Variants in ARHGAP23 observed in about 807,000 individuals in gnomAD.
The protein encoded by ARHGAP23 is Rho GTPase activating protein 23, also known as rho GTPase-activating protein 23.
Under a neutral mutation model 136.3 loss-of-function variants are expected in ARHGAP23, and 34 were observed. The ratio of observed to expected loss-of-function variants is 0.25; its 90% CI spans 0.19 to 0.33. ARHGAP23 has a LOEUF of 0.33. Ranked by LOEUF, ARHGAP23 falls within the 10% of genes least tolerant of loss-of-function variation. The pLI is 1.00. For synonymous variants in ARHGAP23, 832 were observed against 920.5 expected, an observed-to-expected ratio of 0.90 and a Z score of 1.74; for missense variants, 1,808 against 2,139.0, an observed-to-expected ratio of 0.85 and a Z score of 3.05.
chr17:38,504,316 G>A (rs774707169), intron 23 of ARHGAP23, among the ~76,000 whole-genome samples: 1 of 152,238 alleles, frequency 6.6e-6, no homozygotes. Context: ...TGAGTTGTGT[G>A]TGCCGCAGTG....
intron 23 of ARHGAP23, among the ~76,000 whole-genome samples, chr17:38,503,797 A>T (rs1470190293): frequency 6.6e-6 from 1 of 152,232 alleles, no homozygotes; most frequent in Non-Finnish European, 1.5e-5. Flanking sequence ...CGTGCTTTTC[A>T]GAGAGTACGT....
Position 38,510,828 on chromosome 17 carries a change from C to T in ARHGAP23, c.4332C>T (p.Asp1444=). ...CGCGGGCGCACAGTGACAACAAGGA[C>T]TCCGGACTCAGCAGCCTGGAGTCCA... ...AGARAHSDNK[D]SGLSSLESTK... Residue 1444 remains aspartate (D), a synonymous_variant, in exon 24 of 24, where the codon GAC becomes GAT. Transcript: ENST00000622683. The surrounding 1 kb of genome is among the most constrained non-coding windows in gnomAD (Gnocchi z 4.6). 6.6e-7 allele frequency: 1 copy of T among 1,510,246 alleles called. No individual in the cohort carries two copies. Among genetic ancestry groups the T allele is most frequent in the Admixed American group, 2.1e-5 (1 of 47,314 alleles). The allele number at this position is 1,510,246 out of a possible 1,614,324, so 93.6% of individuals were successfully genotyped here.
At chr17:38,459,044 G>A (rs918973652) in intron 2 of ARHGAP23, among the ~76,000 whole-genome samples, 1 of 152,204 alleles carries the variant, frequency 6.6e-6, no homozygotes, top group Admixed American at 6.5e-5. Flanking sequence ...GAAGAAGACA[G>A]AAGGGGCCCC....
At position 38,479,513 on chromosome 17, in the gene ARHGAP23, C is replaced by T. The variant is rs1445456745; in HGVS notation, c.2498+16C>T. 4.5e-6 allele frequency: 7 copies of T among 1,546,880 alleles called. No individual in the cohort carries two copies. The highest frequency in any genetic ancestry group is 2.0e-5 in the Admixed American group (1 of 50,954). ...GCAAAGTGAGGTGAGGCCCAGCCCT[C>T]GTGGAGCAGTCTCCTCTGTGGGGGT... On this transcript the variant is annotated intron_variant, in intron 13 of 23. Coordinates refer to ENST00000622683, the MANE Select transcript of ARHGAP23 (RefSeq NM_001199417.2).
Position 38,460,902 on chromosome 17 carries a change from C to T in ARHGAP23, c.226-3C>T. 1 of 1,536,080 alleles carries T rather than the reference C, an allele frequency of 6.5e-7. No homozygotes were observed. Among genetic ancestry groups the T allele is most frequent in the Non-Finnish European group, 8.7e-7 (1 of 1,146,876 alleles). On this transcript the variant is annotated splice_region_variant and splice_polypyrimidine_tract_variant and intron_variant, in intron 2 of 23. Transcript: ENST00000622683. ...CCCACACCCACTCCTCTGTTCCCTG[C>T]AGGAGGAAGAGAATGGAGGCCGTGG...
intron 12 of ARHGAP23, among the ~76,000 whole-genome samples, chr17:38,478,465 A>C (rs1418121763): frequency 6.7e-6 from 1 of 148,170 alleles, no homozygotes; most frequent in East Asian, 2.0e-4. Context: ...CCCAGGCTGG[A>C]GTGCAGTGGC....
chr17:38,428,390 C>T (rs1453444891), upstream of ARHGAP23: 3 of 453,908 alleles, frequency 6.6e-6, no homozygotes, highest in East Asian at 4.8e-5. Flanking sequence ...GGGGCCCCCC[C>T]ACACCGCGCT....
At chr17:38,438,533 C>T (rs749908342) in intron 1 of ARHGAP23, among the ~76,000 whole-genome samples, 13 of 152,060 alleles carry the variant, frequency 8.5e-5, no homozygotes, top group Non-Finnish European at 1.8e-4. Flanking sequence ...CCGCCCCTTC[C>T]CTCCCCCATC....
chr17:38,471,521 T>A (rs1023432308), intron 10 of ARHGAP23, among the ~76,000 whole-genome samples: 1 of 152,222 alleles, frequency 6.6e-6, no homozygotes, highest in African/African-American at 2.4e-5. Context: ...TTCCCCTGTT[T>A]ATTTAACTCC....
chr17:38,422,774 C>G (rs537565659), intron 1 of ARHGAP23, among the ~76,000 whole-genome samples: 1 of 152,216 alleles, frequency 6.6e-6, no homozygotes, highest in Non-Finnish European at 1.5e-5. Flanking sequence ...AAGGGGTGTT[C>G]AGGTGGGATT....
chr17:38,482,092 G>A lies in ARHGAP23; in HGVS notation c.2700G>A (p.Pro900=), dbSNP rs1337584850. The change falls in exon 15 of 24, where the codon CCG becomes CCA. Residue 900 remains proline, a synonymous_variant. Coordinates refer to ENST00000622683, the MANE Select transcript of ARHGAP23 (RefSeq NM_001199417.2). ...TCAAGAAAAATAAGAAGGCCGCTCC[G>A]AGGGCGTTTGGGGTCAGGCTGGAGG... The part of the protein sequence containing the change: ...NIIKKNKKAA[P]RAFGVRLEEC... 1.4e-5 allele frequency: 22 copies of A among 1,550,044 alleles called. No individual in the cohort carries two copies. The highest frequency in any genetic ancestry group is 1.9e-5 in the Non-Finnish European group (22 of 1,146,526).
chr17:38,424,187 T>C (rs2038547289), upstream of ARHGAP23, among the ~76,000 whole-genome samples: 1 of 152,112 alleles, frequency 6.6e-6, no homozygotes, highest in Admixed American at 6.5e-5. Context: ...GTTCCTCCTC[T>C]GGAGCCCCAC....
chr17:38,422,298 C>A (rs766617299), intron 1 of ARHGAP23, among the ~76,000 whole-genome samples: 13 of 152,212 alleles, frequency 8.5e-5, no homozygotes, highest in Non-Finnish European at 1.8e-4. Flanking sequence ...TTATAAAGAG[C>A]TTGGCACATA....
chr17:38,493,989 G>A (rs1296483397), intron 20 of ARHGAP23, among the ~76,000 whole-genome samples: 1 of 151,492 alleles, frequency 6.6e-6, no homozygotes, highest in African/African-American at 2.4e-5. Flanking sequence ...AGTGAGCGCT[G>A]GGGTCCAGAT....
upstream of ARHGAP23, among the ~76,000 whole-genome samples, chr17:38,427,810 G>C (rs1342401791): frequency 6.6e-6 from 1 of 152,168 alleles, no homozygotes; most frequent in Non-Finnish European, 1.5e-5. Flanking sequence ...ACTCTGGCTG[G>C]GAGGGGCTTA....
intron 16 of ARHGAP23, among the ~76,000 whole-genome samples, chr17:38,483,745 G>A (rs149757720): frequency 3.3e-4 from 51 of 152,352 alleles, no homozygotes; most frequent in African/African-American, 1.1e-3. Context: ...ACACTGTGAT[G>A]AGGAAGGAGA....
At chr17:38,468,102 AAGG>A (rs2039656510) in intron 7 of ARHGAP23, among the ~76,000 whole-genome samples, 1 of 152,206 alleles carries the variant, frequency 6.6e-6, no homozygotes, top group South Asian at 2.1e-4. Context: ...GAAGGATGAG[AAGG>A]AGTTTATCAG....
chr17:38,466,486 G>A lies in ARHGAP23; in HGVS notation c.803G>A (p.Arg268His), dbSNP rs995606963. ...CTCTCCTCGGAGCCCCGGACGCCCC[G>A]TGCCTTCCCAGAGCCTGGCAGCCGG... ...PHLSSEPRTP[R>H]AFPEPGSRVP... is the part of the protein sequence containing the mutation. The change falls in exon 7 of 24, where the codon CGT becomes CAT. Residue 268 changes from arginine to histidine, a missense_variant. By Grantham distance (29) the Arg-to-His change is conservative. Around this residue, in one of 7 missense-constraint regions of ARHGAP23, gnomAD observed 859 missense variants for 936.4 expected, o/e 0.92. Coordinates refer to ENST00000622683, the MANE Select transcript of ARHGAP23 (RefSeq NM_001199417.2). The A allele has an allele frequency of 1.9e-5, 28 of 1,512,410 alleles. No homozygotes were observed. Among genetic ancestry groups the A allele is most frequent in the South Asian group, 2.5e-5 (2 of 80,500 alleles). 93.7% of individuals were successfully genotyped at this position (1,512,410 alleles called of 1,614,324 possible). A position where few individuals can be genotyped will look rare whatever the true frequency, so the allele number is the denominator to read the frequency against.
intron 20 of ARHGAP23, among the ~76,000 whole-genome samples, chr17:38,496,192 C>T (rs1016508466): frequency 3.3e-5 from 5 of 152,244 alleles, no homozygotes; most frequent in East Asian, 3.9e-4. Flanking sequence ...GTCACTGCAC[C>T]GGGCCTGTCA....
Sources: gnomAD v4.1 joint callset for allele counts (sites outside exome capture counted in the v4.1 genomes callset) on GRCh38, gnomAD v4.1.1 for gene constraint, gnomAD v4.1.1 regional missense constraint, Gnocchi (gnomAD v3.1) non-coding constraint, MANE v1.5 for transcripts, NCBI Gene and HGNC (gene_info 2026-07-23, HGNC 2026-07-21) for gene names.